Variants in TAF1 observed in about 807,000 individuals in gnomAD.
TAF1 encodes transcription initiation factor TFIID subunit 1.
TAF1 carries 2 observed loss-of-function variants against 138.5 expected under a neutral mutation model. The ratio of observed to expected loss-of-function variants is 0.01; its 90% confidence interval spans 0.01 to 0.05. TAF1 has a LOEUF of 0.05. Ranked by LOEUF, TAF1 falls within the 10% of genes least tolerant of loss-of-function variation. TAF1 has a pLI of 1.00. For missense variants in TAF1, 709 were observed against 1,478.0 expected, an observed-to-expected ratio of 0.48 and a Z score of 8.53; for synonymous variants, 437 against 503.2, an observed-to-expected ratio of 0.87 and a Z score of 1.76.
intron 13 of TAF1, among the ~76,000 whole-genome samples, chrX:71,525,820 AT>A (rs1169999340): frequency 9.5e-6 from 1 of 105,483 alleles, no homozygotes; most frequent in Non-Finnish European, 1.9e-5. Context: ...CACCCAGCTA[AT>A]TTTTTTGTAT....
At chrX:71,422,461 G>A (rs920561600) in intron 29 of TAF1, among the ~76,000 whole-genome samples, 4 of 108,028 alleles carry the variant, frequency 3.7e-5, no homozygotes, top group Non-Finnish European at 7.7e-5. Context: ...GACCACAGGC[G>A]TGTGCCACCA....
At chrX:71,512,767 G>A (rs918322085) in intron 13 of TAF1, among the ~76,000 whole-genome samples, 2 of 111,222 alleles carry the variant, frequency 1.8e-5, no homozygotes, top group African/African-American at 3.3e-5. Flanking sequence ...GCAGTGAGCC[G>A]AGATTGTGCC....
downstream of TAF1, among the ~76,000 whole-genome samples, chrX:71,470,664 A>T (rs1451754382): frequency 9.4e-6 from 1 of 106,401 alleles, no homozygotes; most frequent in Admixed American, 1.0e-4. Flanking sequence ...CGCTTGAGCC[A>T]CTGTGCCCAA....
At chrX:71,423,311 G>A in intron 30 of TAF1, 72 bp downstream of exon 30, 1 of 1,188,603 alleles carries the variant, frequency 8.4e-7, no homozygotes, top group Admixed American at 2.2e-5. Context: ...GTGTACACGT[G>A]TGTGTATTTT....
chrX:71,397,771 C>T (rs746873836), intron 23 of TAF1, among the ~76,000 whole-genome samples: 72 of 111,103 alleles, frequency 6.5e-4, no homozygotes, highest in Non-Finnish European at 1.1e-3. Flanking sequence ...GCATGAACCA[C>T]GGCACCTGGC....
chrX:71,471,344 TATACAC>T (rs1228526336), intron 13 of TAF1, among the ~76,000 whole-genome samples: 2 of 101,388 alleles, frequency 2.0e-5, no homozygotes, highest in East Asian at 6.0e-4. Context: ...TATATATATA[TATACAC>T]ACACACACAC....
chrX:71,503,298 G>A (rs6625796), intron 13 of TAF1, among the ~76,000 whole-genome samples: 27 of 80,235 alleles, frequency 3.4e-4, no homozygotes, highest in African/African-American at 9.9e-4. Flanking sequence ...ATATATATGT[G>A]TATATATATA....
intron 27 of TAF1, 146 bp from the exon 28 acceptor site, chrX:71,407,828 G>A: frequency 1.0e-6 from 1 of 967,345 alleles, no homozygotes; most frequent in East Asian, 3.2e-5. Flanking sequence ...TTTTTAAGCA[G>A]TTTAGTAGAG....
At chrX:71,482,392 G>A (rs1462889246) in intron 13 of TAF1, among the ~76,000 whole-genome samples, 2 of 112,023 alleles carry the variant, frequency 1.8e-5, no homozygotes, top group East Asian at 5.6e-4. Context: ...AGAAGTGGAG[G>A]GGGTGGCTCT....
intron 18 of TAF1, among the ~76,000 whole-genome samples, chrX:71,390,478 T>C (rs1419603115): frequency 8.9e-6 from 1 of 111,855 alleles, no homozygotes; most frequent in Non-Finnish European, 1.9e-5. Flanking sequence ...TGGATTTCGA[T>C]TGGATGATAA....
At chrX:71,501,640 C>T (rs750637753) in intron 13 of TAF1, among the ~76,000 whole-genome samples, 10 of 111,226 alleles carry the variant, frequency 9.0e-5, no homozygotes, top group African/African-American at 2.6e-4. Context: ...TCCTCTCTGT[C>T]GACCCTCGGC....
chrX:71,449,360 G>C (rs1054876776), intron 32 of TAF1, among the ~76,000 whole-genome samples: 1 of 112,313 alleles, frequency 8.9e-6, no homozygotes, highest in Non-Finnish European at 1.9e-5. Context: ...CCTGACCTCA[G>C]GTGATTGCCT....
chrX:71,520,425 G>A (rs1364750008), intron 13 of TAF1, among the ~76,000 whole-genome samples: 1 of 110,177 alleles, frequency 9.1e-6, no homozygotes, highest in Non-Finnish European at 1.9e-5. Flanking sequence ...GCTCACGCCT[G>A]TAATACCAGC....
At chrX:71,447,008 A>ATATTTATTTT (rs2037724263) in intron 32 of TAF1, among the ~76,000 whole-genome samples, 1 of 112,357 alleles carries the variant, frequency 8.9e-6, no homozygotes, top group Non-Finnish European at 1.9e-5. Flanking sequence ...TAAATATCTA[A>ATATTTATTTT]GAATTGCAAA....
intron 12 of TAF1, 124 bp downstream of exon 12, chrX:71,383,288 T>G (rs969413528): frequency 2.0e-5 from 17 of 840,660 alleles, no homozygotes; most frequent in Non-Finnish European, 2.6e-5. Flanking sequence ...AGAATGTTAT[T>G]TTGGTTATTT....
downstream of TAF1, among the ~76,000 whole-genome samples, chrX:71,467,959 A>G (rs1335225383): frequency 8.9e-6 from 1 of 112,105 alleles, no homozygotes; most frequent in African/African-American, 3.2e-5. Flanking sequence ...GTGCATCAAG[A>G]GCATTAAGTT....
chrX:71,455,375 G>C (rs1321172351), intron 34 of TAF1, among the ~76,000 whole-genome samples: 1 of 111,968 alleles, frequency 8.9e-6, no homozygotes, highest in Non-Finnish European at 1.9e-5. Context: ...CATGTCAAAA[G>C]AATGAGAGAG....
At chrX:71,450,637 A>G (rs997915743) in intron 32 of TAF1, among the ~76,000 whole-genome samples, 1 of 111,487 alleles carries the variant, frequency 9.0e-6, no homozygotes, top group Non-Finnish European at 1.9e-5. Flanking sequence ...TTGTGCCACT[A>G]TTTTTCCATT....
At chrX:71,373,474 T>TA (rs1407359409) in intron 3 of TAF1, among the ~76,000 whole-genome samples, 1 of 110,755 alleles carries the variant, frequency 9.0e-6, no homozygotes, top group Non-Finnish European at 1.9e-5. Flanking sequence ...GCCCTATACT[T>TA]ACTATTTGTA....
Sources: allele counts gnomAD v4.1 joint callset (sites outside exome capture counted in the v4.1 genomes callset), GRCh38; gene constraint gnomAD v4.1.1; transcripts MANE v1.5; gene names NCBI Gene and HGNC (gene_info 2026-07-23, HGNC 2026-07-21).